The following SEC24D variants were observed in gnomAD, a reference collection of about 807,000 sequenced individuals.
SEC24D encodes the protein SEC24 homolog D, COPII component.
SEC24D carries 69 observed loss-of-function variants against 116.9 expected under a neutral mutation model. That is an observed-to-expected ratio of 0.59 (90% CI 0.49 to 0.72). The LOEUF (loss-of-function observed/expected upper bound fraction) is 0.72. SEC24D is among the 30% of genes least tolerant of loss of function. The pLI is 0.00. For missense variants in SEC24D, 1,131 were observed against 1,264.1 expected, an observed-to-expected ratio of 0.89 and a Z score of 1.60; for synonymous variants, 405 against 442.8, an observed-to-expected ratio of 0.91 and a Z score of 1.07.
chr4:118,792,318 G>A (rs1176767120), intron 8 of SEC24D, among the ~76,000 whole-genome samples: 144 of 144,854 alleles, frequency 9.9e-4, no homozygotes, highest in African/African-American at 3.6e-3. Flanking sequence ...GAGGTGGGGG[G>A]GCGCCTCTGC....
At position 118,815,171 on chromosome 4, in the gene SEC24D, T is replaced by G. The variant is rs1315351898; in HGVS notation, c.674-16A>C. ...CCAGAGTTGGCTGCTTGGAAAAAAT[T>G]TAAAGAGAAATGACTATCATCCCAA... On this transcript the variant is annotated splice_polypyrimidine_tract_variant and intron_variant, in intron 5 of 22. Coordinates refer to ENST00000280551, the MANE Select transcript of SEC24D (RefSeq NM_014822.4). 1 of 1,613,692 alleles carries G rather than the reference T, an allele frequency of 6.2e-7. No individual in the cohort carries two copies. Among genetic ancestry groups the G allele is most frequent in the African/African-American group, 1.3e-5 (1 of 74,986 alleles).
intron 13 of SEC24D, among the ~76,000 whole-genome samples, chr4:118,750,142 A>C (rs965541153): frequency 3.3e-5 from 5 of 152,194 alleles, no homozygotes; most frequent in Admixed American, 6.5e-5. Flanking sequence ...AATGAGTTGG[A>C]CTCTAGTAAA....
intron 6 of SEC24D, among the ~76,000 whole-genome samples, chr4:118,806,170 C>T (rs142894821): frequency 7.3e-4 from 111 of 152,230 alleles, no homozygotes; most frequent in Admixed American, 5.8e-3. Context: ...GAAAAACCTA[C>T]CATGTCTTCA....
intron 8 of SEC24D, among the ~76,000 whole-genome samples, chr4:118,793,303 TAAAAATACAA>T (rs1193162293): frequency 6.6e-6 from 1 of 150,890 alleles, no homozygotes; most frequent in Non-Finnish European, 1.5e-5. Context: ...CCGTCTCTAC[TAAAAATACAA>T]AAAATTAGCC....
At chr4:118,816,703 C>A (rs1350555210) in intron 4 of SEC24D, 2 of 357,666 alleles carry the variant, frequency 5.6e-6, no homozygotes, top group East Asian at 2.0e-4. Context: ...AGATAAATGG[C>A]CGACTGTGCT....
intron 20 of SEC24D, among the ~76,000 whole-genome samples, chr4:118,732,277 C>A (rs1467435329): frequency 6.6e-6 from 1 of 152,082 alleles, no homozygotes; most frequent in Non-Finnish European, 1.5e-5. Flanking sequence ...GCTGGGATTA[C>A]AGGCACATAC....
chr4:118,766,102 A>T, intron 9 of SEC24D, among the ~76,000 whole-genome samples: 1 of 151,642 alleles, frequency 6.6e-6, no homozygotes, highest in African/African-American at 2.4e-5. Context: ...GTTTCCACAT[A>T]GTATAACATA....
chr4:118,744,940 G>A lies in SEC24D; in HGVS notation c.1824+4C>T. On this transcript the variant is annotated splice_donor_region_variant and intron_variant, in intron 14 of 22. Transcript: ENST00000280551. Reference sequence around the variant, plus strand: ...ATATGGATACTCAAAGAGTTACAAAGTACCTTCTCTTTGTCTGTATTAACC... The same window carrying A: ...ATATGGATACTCAAAGAGTTACAAAATACCTTCTCTTTGTCTGTATTAACC... The A allele has an allele frequency of 6.7e-7, 1 of 1,494,196 alleles. No individual in the cohort carries two copies. Among genetic ancestry groups the A allele is most frequent in the Non-Finnish European group, 9.3e-7 (1 of 1,073,030 alleles). The allele number at this position is 1,494,196 out of a possible 1,614,324, so 92.6% of individuals were successfully genotyped here. A position where few individuals can be genotyped will look rare whatever the true frequency, so the allele number is the denominator to read the frequency against.
In SEC24D at chr4:118,827,437, C is replaced by T. The variant is rs377405785; in HGVS notation, c.119-2688G>A. Among the ~76,000 whole-genome samples the T allele has an allele frequency of 1.4e-4, 21 of 152,180 alleles. No individual in the cohort carries two copies. In the East Asian group the frequency reaches 3.5e-3, roughly 25 times the overall value. ...ATGAGAATGAACTGTTCTTAAGACA[C>T]CCCCCACCAAAAAAAATCTAAGATC... On this transcript the variant is annotated intron_variant, in intron 2 of 22. Transcript: ENST00000280551.
At chr4:118,812,248 T>C (rs1729950404) in intron 6 of SEC24D, among the ~76,000 whole-genome samples, 1 of 152,208 alleles carries the variant, frequency 6.6e-6, no homozygotes, top group South Asian at 2.1e-4. Flanking sequence ...TATGTCCATG[T>C]CCTAATCTCT....
rs574249202 is a variant in SEC24D at position 118,749,010 on chromosome 4, AT to A, written c.1707+2985del. Among the ~76,000 whole-genome samples the A allele has an allele frequency of 5.3e-3, 797 of 150,026 alleles. 3 individuals are homozygous for A. Among genetic ancestry groups the A allele is most frequent in the Non-Finnish European group, 6.5e-3 (437 of 67,458 alleles). On this transcript the variant is annotated intron_variant, in intron 13 of 22. Transcript: ENST00000280551. ...AACCACTAAAGGCCATTTTCTTCCAATTTTTTTTTCTTCTTTTTTTTTTTGC... is the reference window on the plus strand; with the variant it reads ...AACCACTAAAGGCCATTTTCTTCCAATTTTTTTTCTTCTTTTTTTTTTTGC...
At chr4:118,809,654 T>C (rs1036927471) in intron 6 of SEC24D, among the ~76,000 whole-genome samples, 1 of 151,540 alleles carries the variant, frequency 6.6e-6, no homozygotes, top group Non-Finnish European at 1.5e-5. Flanking sequence ...TTGTTGCCCA[T>C]TCATTCATTC....
chr4:118,797,297 T>C (rs929922353), intron 8 of SEC24D, among the ~76,000 whole-genome samples: 1 of 152,250 alleles, frequency 6.6e-6, no homozygotes, highest in Non-Finnish European at 1.5e-5. Context: ...TAGTAAGATC[T>C]GCTCTAATAG....
In SEC24D at chr4:118,733,947, A is replaced by C. The variant is rs73842214; in HGVS notation, c.2497-1035T>G. 3.1e-3 allele frequency among the ~76,000 whole-genome samples: 467 copies of C among 151,936 alleles called. 1 individual carries two copies. Among genetic ancestry groups the C allele is most frequent in the African/African-American group, 0.011 (442 of 41,376 alleles). The stretch of plus-strand genomic sequence containing the variant: ...CCCTTGTGAGATACTACAACCTAAC[A>C]CAATGCAGCAATTCTAGGAACACAA... On this transcript the variant is annotated intron_variant, in intron 19 of 22. Transcript: ENST00000280551.
At chr4:118,812,060 T>C (rs114382134) in intron 6 of SEC24D, among the ~76,000 whole-genome samples, 6,650 of 152,216 alleles carry the variant, frequency 0.044, 200 homozygotes, top group Non-Finnish European at 0.064. Context: ...AAGCCTAAGC[T>C]TCAAAAGGCC....
In SEC24D at chr4:118,798,788, CAA is replaced by C. The variant is rs566281250; in HGVS notation, c.914-980_914-979del. Among the ~76,000 whole-genome samples, 500 of 152,234 alleles carry C rather than the reference CAA, an allele frequency of 3.3e-3. 3 individuals are homozygous for C. Among genetic ancestry groups the C allele is most frequent in the African/African-American group, 0.011 (471 of 41,536 alleles). ...CCTTATTTAAAAGGTAACATCTGAG[CAA>C]AGAGTCATAGGAGGCAAGCGATTTA... On this transcript the variant is annotated intron_variant, in intron 7 of 22. Coordinates refer to ENST00000280551, the MANE Select transcript of SEC24D (RefSeq NM_014822.4).
Position 118,738,478 on chromosome 4 carries a change from C to A in SEC24D, c.2378-99G>T. The A allele has an allele frequency of 1.2e-6, 1 of 823,922 alleles. No individual in the cohort carries two copies. Among genetic ancestry groups the A allele is most frequent in the Non-Finnish European group, 2.1e-6 (1 of 475,650 alleles). The allele number at this position is 823,922 out of a possible 1,614,324, so 51.0% of individuals were successfully genotyped here. A position where few individuals can be genotyped will look rare whatever the true frequency, so the allele number is the denominator to read the frequency against. ...AGAACAAGTTGCTATTATCTTCAGA[C>A]CACCCAGCAAGAATAATAGCATTTA... On this transcript the variant is annotated intron_variant, in intron 18 of 22. Coordinates refer to ENST00000280551, the MANE Select transcript of SEC24D (RefSeq NM_014822.4).
At chr4:118,783,410 C>T (rs1234865732) in intron 8 of SEC24D, among the ~76,000 whole-genome samples, 1 of 152,192 alleles carries the variant, frequency 6.6e-6, no homozygotes, top group Non-Finnish European at 1.5e-5. Flanking sequence ...TTACCAGGTT[C>T]ACTGTCTAGT....
chr4:118,757,646 C>T, intron 11 of SEC24D, 75 bp downstream of exon 11: 2 of 1,397,854 alleles, frequency 1.4e-6, no homozygotes, highest in South Asian at 1.3e-5. Context: ...ATTGGTCATT[C>T]AGCACTTATC....
Sources: gnomAD v4.1 joint callset for allele counts (sites outside exome capture counted in the v4.1 genomes callset) on GRCh38, gnomAD v4.1.1 for gene constraint, MANE v1.5 for transcripts, NCBI Gene and HGNC (gene_info 2026-07-23, HGNC 2026-07-21) for gene names.